The following ALPK2 variants were observed in gnomAD, a reference collection of about 807,000 sequenced individuals.
ALPK2 encodes the protein alpha-protein kinase 2.
Under a neutral mutation model 163.1 loss-of-function variants are expected in ALPK2, and 127 were observed. The ratio of observed to expected loss-of-function variants is 0.78; its 90% CI spans 0.67 to 0.90. ALPK2 has a LOEUF of 0.90. Among genes scored for constraint, ALPK2 ranks in the 40% least tolerant of loss-of-function variants. The probability of loss-of-function intolerance (pLI) is 0.00; values close to 1 mark genes in which losing one functional copy is unlikely to be tolerated. For synonymous variants in ALPK2, 953 were observed against 959.1 expected (o/e 0.99, Z 0.12); for missense variants, 2,360 against 2,589.6 (o/e 0.91, Z 1.92).
intron 10 of ALPK2, among the ~76,000 whole-genome samples, chr18:58,514,633 C>T (rs2051511488): frequency 6.6e-6 from 1 of 152,012 alleles, no homozygotes; most frequent in Non-Finnish European, 1.5e-5. Context: ...ATCTCTTGTT[C>T]TGTTCTATTT....
intron 12 of ALPK2, among the ~76,000 whole-genome samples, chr18:58,483,131 C>G (rs2144091181): frequency 6.6e-6 from 1 of 152,298 alleles, no homozygotes; most frequent in East Asian, 1.9e-4. Flanking sequence ...TCCAAGGGTC[C>G]TCCTTGTCAC....
rs147174781 is a variant in ALPK2 at position 58,613,708 on chromosome 18, AAATAATAAT to A, written c.-20-1900_-20-1892del. ...AGCAAGACTCCATCTCAAAAAAAAA[AAATAATAAT>A]AATAATAATAATAATAATAATAATA... On this transcript the variant is annotated intron_variant, in intron 1 of 12. Coordinates refer to ENST00000361673, the MANE Select transcript of ALPK2 (RefSeq NM_052947.4). Among the ~76,000 whole-genome samples, 418 of 95,176 alleles carry A rather than the reference AAATAATAAT, an allele frequency of 4.4e-3. 12 individuals are homozygous for A. Among genetic ancestry groups the A allele is most frequent in the Middle Eastern group, 0.017 (3 of 174 alleles). 62.4% of individuals were successfully genotyped at this position (95,176 alleles called of 152,430 possible).
At chr18:58,605,448 C>T (rs1294183895) in intron 3 of ALPK2, among the ~76,000 whole-genome samples, 2 of 152,196 alleles carry the variant, frequency 1.3e-5, no homozygotes, top group African/African-American at 2.4e-5. Context: ...ATCCTTTCAA[C>T]AAATATTTAT....
chr18:58,503,892 A>AC (rs370338732), intron 11 of ALPK2, 39 bp downstream of exon 11: 7 of 1,574,650 alleles, frequency 4.4e-6, no homozygotes, highest in African/African-American at 2.7e-5. Context: ...TCTCTGGCCC[A>AC]CAGCATCCCT....
chr18:58,495,917 C>T (rs944866864), intron 12 of ALPK2, among the ~76,000 whole-genome samples: 5 of 152,180 alleles, frequency 3.3e-5, no homozygotes. Flanking sequence ...AGGATTCAAA[C>T]TAGGGCTGGC....
chr18:58,623,424 A>G (rs2052212687), intron 1 of ALPK2, among the ~76,000 whole-genome samples: 1 of 152,086 alleles, frequency 6.6e-6, no homozygotes, highest in Non-Finnish European at 1.5e-5. Flanking sequence ...CATCCAATAA[A>G]AAGGGCCGTA....
chr18:58,553,620 C>T (rs892960211), intron 4 of ALPK2, among the ~76,000 whole-genome samples: 7 of 152,108 alleles, frequency 4.6e-5, no homozygotes, highest in African/African-American at 1.7e-4. Flanking sequence ...AAGCTGTTCT[C>T]ATGATAGTGA....
At chr18:58,522,499 C>T (rs1377794662) in intron 8 of ALPK2, among the ~76,000 whole-genome samples, 3 of 152,210 alleles carry the variant, frequency 2.0e-5, no homozygotes, top group Non-Finnish European at 2.9e-5. Flanking sequence ...GGGGACATCA[C>T]GAGCATTCAT....
intron 12 of ALPK2, among the ~76,000 whole-genome samples, chr18:58,491,511 G>A (rs1389779804): frequency 2.6e-5 from 4 of 151,976 alleles, no homozygotes; most frequent in African/African-American, 4.8e-5. Context: ...ATCAACTGGC[G>A]CCTCCCAGAT....
At chr18:58,496,397 C>G (rs1367048669) in intron 12 of ALPK2, among the ~76,000 whole-genome samples, 1 of 152,182 alleles carries the variant, frequency 6.6e-6, no homozygotes, top group Non-Finnish European at 1.5e-5. Flanking sequence ...GGAGACAGTT[C>G]CAACATAAAA....
At chr18:58,521,253 C>T (rs1012571902) in intron 8 of ALPK2, among the ~76,000 whole-genome samples, 8 of 152,226 alleles carry the variant, frequency 5.3e-5, no homozygotes, top group Non-Finnish European at 1.2e-4. Context: ...CTTATCCCCA[C>T]TGGGGTCTCT....
At chr18:58,604,211 T>A (rs1353249041) in intron 3 of ALPK2, among the ~76,000 whole-genome samples, 2 of 152,144 alleles carry the variant, frequency 1.3e-5, no homozygotes, top group Non-Finnish European at 2.9e-5. Context: ...GATCCAAAGA[T>A]CAAATGCAGG....
In ALPK2 at chr18:58,628,766, T is replaced by C. The variant is rs949775611; in HGVS notation, c.-23A>G. 3 of 152,186 alleles carry C rather than the reference T, an allele frequency of 2.0e-5. No individual in the cohort carries two copies. Among genetic ancestry groups the C allele is most frequent in the Admixed American group, 1.3e-4 (2 of 15,276 alleles). 9.4% of individuals were successfully genotyped at this position (152,186 alleles called of 1,614,324 possible). ...AAAACCAAAGTCTACATACTTACTT[T>C]TCAGTACTCTTTGTCCAAGAAATGT... On this transcript the variant is annotated splice_region_variant and 5_prime_UTR_variant, in exon 1 of 13. Coordinates refer to ENST00000361673, the MANE Select transcript of ALPK2 (RefSeq NM_052947.4).
At chr18:58,522,843 C>T (rs1018630873) in intron 8 of ALPK2, among the ~76,000 whole-genome samples, 8 of 152,082 alleles carry the variant, frequency 5.3e-5, no homozygotes, top group Middle Eastern at 3.2e-3. Context: ...GTCTAATGAA[C>T]TTACAATAGG....
At chr18:58,605,592 T>G (rs2052094025) in intron 3 of ALPK2, among the ~76,000 whole-genome samples, 1 of 152,296 alleles carries the variant, frequency 6.6e-6, no homozygotes, top group East Asian at 1.9e-4. Flanking sequence ...GGGAGGCCTG[T>G]GCAACAAGAT....
Position 58,535,404 on chromosome 18 carries a change from G to A in ALPK2, c.4783C>T (p.Arg1595Cys), listed in dbSNP as rs572176995. 1.4e-5 allele frequency: 22 copies of A among 1,614,148 alleles called. No individual in the cohort carries two copies. In the South Asian group the frequency reaches 1.4e-4, roughly 10 times the overall value. Residue 1595 changes from arginine (R) to cysteine (C), a missense_variant, in exon 5 of 13, where the codon CGT becomes TGT. Coordinates refer to ENST00000361673, the MANE Select transcript of ALPK2 (RefSeq NM_052947.4). ...GGAGAAGAGGGCAAAGGTTTCCCAC[G>A]CTCATTCTCAATAGTTCCCCTTTTC... ...SQKRGTIENE[R>C]GKPLPSSPDL...
chr18:58,586,441 C>A (rs141090948), intron 3 of ALPK2, among the ~76,000 whole-genome samples: 1 of 152,118 alleles, frequency 6.6e-6, no homozygotes, highest in African/African-American at 2.4e-5. Flanking sequence ...AGCCTTTATT[C>A]GAGAAAAATG....
chr18:58,608,448 G>A (rs897237199), intron 2 of ALPK2, among the ~76,000 whole-genome samples: 8 of 152,214 alleles, frequency 5.3e-5, no homozygotes, highest in Admixed American at 3.9e-4. Flanking sequence ...TACAGAGCAG[G>A]AAGGTTTCCA....
At position 58,540,756 on chromosome 18, in the gene ALPK2, T is replaced by C. The variant is rs140834944; in HGVS notation, c.1963-2532A>G. Among the ~76,000 whole-genome samples, 208 of 152,358 alleles carry C rather than the reference T, an allele frequency of 1.4e-3. 1 individual carries two copies. The highest frequency in any genetic ancestry group is 2.6e-3 in the Non-Finnish European group (177 of 68,034). On this transcript the variant is annotated intron_variant, in intron 4 of 12. Transcript: ENST00000361673. Reference sequence around the variant, plus strand: ...TTTTAAGGTCCTGGTATTATCACAGTATCATCAGTGTCAACAGACATTTAT... The same window carrying C: ...TTTTAAGGTCCTGGTATTATCACAGCATCATCAGTGTCAACAGACATTTAT...
Sources: allele counts gnomAD v4.1 joint callset (sites outside exome capture counted in the v4.1 genomes callset), GRCh38; gene constraint gnomAD v4.1.1; transcripts MANE v1.5; gene names NCBI Gene and HGNC (gene_info 2026-07-23, HGNC 2026-07-21).